KDM4C: variants seen among roughly 807,000 people sequenced by gnomAD.
KDM4C encodes the protein lysine demethylase 4C, also known as lysine-specific demethylase 4C.
In KDM4C, 81 loss-of-function variants were observed where a neutral mutation model predicts 129.3. That is an observed-to-expected ratio of 0.63 (90% CI 0.52 to 0.75). KDM4C has a LOEUF of 0.75. Among genes scored for constraint, KDM4C ranks in the 30% least tolerant of loss-of-function variants. KDM4C has a pLI of 0.00. For missense variants in KDM4C, 1,457 were observed against 1,304.0 expected (o/e 1.12, Z -1.81); for synonymous variants, 573 against 456.1 (o/e 1.26, Z -3.26).
At chr9:6,800,527 C>T (rs1828736139) in intron 2 of KDM4C, among the ~76,000 whole-genome samples, 1 of 151,676 alleles carries the variant, frequency 6.6e-6, no homozygotes, top group Admixed American at 6.6e-5. Context: ...CAACAGAGTC[C>T]CTGTCTCAAA....
chr9:7,118,680 T>C (rs1257891981), intron 18 of KDM4C, among the ~76,000 whole-genome samples: 2 of 152,226 alleles, frequency 1.3e-5, no homozygotes, highest in Non-Finnish European at 2.9e-5. Context: ...CTTTGGCCTG[T>C]ACGTCGGCTA....
intron 15 of KDM4C, among the ~76,000 whole-genome samples, chr9:7,037,164 G>A (rs544096650): frequency 3.3e-5 from 5 of 152,284 alleles, no homozygotes; most frequent in African/African-American, 1.2e-4. Flanking sequence ...TCCCAGCTCA[G>A]AGAGCCCTAT....
chr9:7,074,288 C>T (rs1328916575), intron 17 of KDM4C, among the ~76,000 whole-genome samples: 1 of 152,116 alleles, frequency 6.6e-6, no homozygotes, highest in Non-Finnish European at 1.5e-5. Flanking sequence ...CTCAGCTTCC[C>T]AGGTAGCTAG....
At chr9:6,896,204 C>T (rs1563775319) in intron 8 of KDM4C, among the ~76,000 whole-genome samples, 1 of 152,098 alleles carries the variant, frequency 6.6e-6, no homozygotes, top group African/African-American at 2.4e-5. Flanking sequence ...TTGTCTTCAT[C>T]AGTTTGTTCT....
intron 4 of KDM4C, among the ~76,000 whole-genome samples, chr9:6,846,528 AAG>A (rs545262909): frequency 1.0e-3 from 155 of 150,492 alleles, no homozygotes; most frequent in African/African-American, 3.6e-3. Flanking sequence ...AAATTGGAGA[AAG>A]AATTTTGAAA....
chr9:6,970,468 C>A (rs546171470), intron 8 of KDM4C, among the ~76,000 whole-genome samples: 1 of 152,226 alleles, frequency 6.6e-6, no homozygotes, highest in East Asian at 1.9e-4. Context: ...TAAATTTGAA[C>A]CAAAGATGGA....
intron 2 of KDM4C, among the ~76,000 whole-genome samples, chr9:6,799,704 G>A (rs1011161958): frequency 2.2e-5 from 3 of 139,010 alleles, no homozygotes; most frequent in African/African-American, 8.1e-5. Context: ...TATTAATTTT[G>A]ATTGTGGATA....
Position 7,157,716 on chromosome 9 carries a change from G to C in KDM4C, c.2782-7522G>C, listed in dbSNP as rs567361871. On this transcript the variant is annotated intron_variant, in intron 19 of 21. Transcript: ENST00000381309. ...CCAGGGATGAAGCCAACTTGATCAT[G>C]GTGGGTAAGCTTTTTGATGAGCTGC... Among the ~76,000 whole-genome samples, 4 of 152,312 alleles carry C rather than the reference G, an allele frequency of 2.6e-5. No individual in the cohort carries two copies. The South Asian group carries it at 8.3e-4, about 32-fold the overall frequency.
chr9:6,760,445 G>GTATA (rs60954996), intron 1 of KDM4C, among the ~76,000 whole-genome samples: 9,936 of 142,460 alleles, frequency 0.07, 828 homozygotes, highest in African/African-American at 0.19. Flanking sequence ...CTACTCTTGG[G>GTATA]TATATATATA....
intron 8 of KDM4C, among the ~76,000 whole-genome samples, chr9:6,918,868 T>C (rs912343330): frequency 2.0e-4 from 30 of 152,166 alleles, no homozygotes; most frequent in Non-Finnish European, 4.3e-4. Context: ...CTTTTTTTTT[T>C]TGAGACAGAG....
At chr9:6,898,567 C>G (rs927054757) in intron 8 of KDM4C, among the ~76,000 whole-genome samples, 1 of 152,260 alleles carries the variant, frequency 6.6e-6, no homozygotes, top group South Asian at 2.1e-4. Context: ...TCCAGGAGTA[C>G]TACCTTACTA....
At chr9:6,997,710 T>C (rs1038601041) in intron 12 of KDM4C, among the ~76,000 whole-genome samples, 10 of 152,198 alleles carry the variant, frequency 6.6e-5, no homozygotes, top group Non-Finnish European at 1.5e-4. Context: ...TCTGGCCTCT[T>C]TCCTCCTGTG....
chr9:7,010,212 G>C (rs1473534976), intron 12 of KDM4C, among the ~76,000 whole-genome samples: 1 of 152,154 alleles, frequency 6.6e-6, no homozygotes, highest in Non-Finnish European at 1.5e-5. Flanking sequence ...TTTAGAGTCA[G>C]ATTACTTCAT....
At chr9:6,849,282 A>C (rs113300724) in intron 4 of KDM4C, among the ~76,000 whole-genome samples, 3 of 152,230 alleles carry the variant, frequency 2.0e-5, no homozygotes, top group African/African-American at 7.2e-5. Flanking sequence ...ATAAATTTCT[A>C]CCAGATAGTT....
intron 19 of KDM4C, among the ~76,000 whole-genome samples, chr9:7,152,929 T>C (rs1472197593): frequency 6.6e-6 from 1 of 152,124 alleles, no homozygotes; most frequent in Non-Finnish European, 1.5e-5. Context: ...AGAGAAAAAT[T>C]CTTTAAATTA....
In KDM4C at chr9:6,804,489, G is replaced by C. The variant is rs185343431; in HGVS notation, c.145-1110G>C. Among the ~76,000 whole-genome samples, 3 of 152,320 alleles carry C rather than the reference G, an allele frequency of 2.0e-5. No individual in the cohort carries two copies. In the East Asian group the frequency reaches 5.8e-4, roughly 29 times the overall value. On this transcript the variant is annotated intron_variant, in intron 2 of 21. Coordinates refer to ENST00000381309, the MANE Select transcript of KDM4C (RefSeq NM_015061.6). ...AAGAATATAATGTTGGCCGGGCGTG[G>C]TGGCTCACGCCTGTAATCCCAACAA...
At chr9:7,090,997 C>G (rs1835730074) in intron 17 of KDM4C, among the ~76,000 whole-genome samples, 1 of 152,140 alleles carries the variant, frequency 6.6e-6, no homozygotes, top group African/African-American at 2.4e-5. Context: ...AGCATGGATG[C>G]ATTTTATGGG....
chr9:6,919,247 T>TTTCTTTCTTTTCTTTCTTTC, intron 8 of KDM4C, among the ~76,000 whole-genome samples: 1 of 106,290 alleles, frequency 9.4e-6, no homozygotes. Context: ...TCTTTCTTTC[T>TTTCTTTCTTTTCTTTCTTTC]TTTCTTTCTT....
At chr9:6,866,406 C>G (rs2130569665) in intron 5 of KDM4C, among the ~76,000 whole-genome samples, 1 of 152,176 alleles carries the variant, frequency 6.6e-6, no homozygotes, top group African/African-American at 2.4e-5. Context: ...GGGGTATTTT[C>G]CAAAGGGTGT....
Sources: gnomAD v4.1 joint callset for allele counts (sites outside exome capture counted in the v4.1 genomes callset) on GRCh38, gnomAD v4.1.1 for gene constraint, MANE v1.5 for transcripts, NCBI Gene and HGNC (gene_info 2026-07-23, HGNC 2026-07-21) for gene names.